NCOR2: variants seen among roughly 807,000 people sequenced by gnomAD.
NCOR2 encodes nuclear receptor corepressor 2, also known as CTG repeat protein 26.
A neutral mutation model predicts 262.9 loss-of-function variants in NCOR2; 81 were observed. That is an observed-to-expected ratio of 0.31 (90% CI 0.26 to 0.37). The LOEUF (loss-of-function observed/expected upper bound fraction) is 0.37. Ranked by LOEUF, NCOR2 falls within the 10% of genes least tolerant of loss-of-function variation. The pLI, the probability that NCOR2 is intolerant of heterozygous loss-of-function variation, is 1.00. For missense variants in NCOR2, 3,385 were observed against 3,621.4 expected (o/e 0.93, Z 1.68); for synonymous variants, 1,659 against 1,559.3 (o/e 1.06, Z -1.51).
intron 1 of NCOR2, among the ~76,000 whole-genome samples, chr12:124,560,194 C>T (rs1163535652): frequency 6.6e-6 from 1 of 152,178 alleles, no homozygotes; most frequent in Non-Finnish European, 1.5e-5. Flanking sequence ...TATTAGGGAT[C>T]GGCAAATATC....
intron 6 of NCOR2, among the ~76,000 whole-genome samples, chr12:124,455,714 C>T (rs1163943786): frequency 1.3e-5 from 2 of 152,256 alleles, no homozygotes; most frequent in Non-Finnish European, 1.5e-5. Flanking sequence ...ACAGGCAGCA[C>T]TGCCTTTAAC....
intron 1 of NCOR2, among the ~76,000 whole-genome samples, chr12:124,545,178 G>A (rs940576468): frequency 2.3e-4 from 35 of 152,166 alleles, no homozygotes; most frequent in African/African-American, 7.5e-4. Flanking sequence ...CCAGCACCTC[G>A]AACACCCAGA....
intron 1 of NCOR2, among the ~76,000 whole-genome samples, chr12:124,494,665 T>C (rs1283792646): frequency 6.6e-6 from 1 of 152,064 alleles, no homozygotes; most frequent in South Asian, 2.1e-4. Context: ...GCAACCTGTG[T>C]GGGGCCTCCT....
exon 20 of NCOR2, chr12:124,372,120 G>C (rs1223060453): frequency 6.2e-7 from 1 of 1,601,662 alleles, no homozygotes; most frequent in Non-Finnish European, 8.5e-7. Flanking sequence ...TGGCTGTGGT[G>C]GCCCTGCCGC....
chr12:124,466,007 C>T lies in NCOR2; in HGVS notation c.705+166G>A, dbSNP rs567293441. Among the ~76,000 whole-genome samples the T allele has an allele frequency of 1.4e-4, 21 of 152,336 alleles. 1 individual carries two copies. The highest frequency in any genetic ancestry group is 1.2e-3 in the Admixed American group (19 of 15,308). The stretch of plus-strand genomic sequence containing the variant: ...AGGCCACACCAGGATGGCTTTCCAC[C>T]GGTCACCTTCCCCCACCCACTCATA... On this transcript the variant is annotated intron_variant, in intron 5 of 46. Coordinates refer to ENST00000405201, the Ensembl canonical transcript of NCOR2.
chr12:124,439,356 G>GAC (rs1485203234), intron 7 of NCOR2, among the ~76,000 whole-genome samples: 1 of 136,442 alleles, frequency 7.3e-6, no homozygotes, highest in African/African-American at 2.8e-5. Context: ...GAGAGAGGGA[G>GAC]ACAGAGACCC....
chr12:124,495,839 G>A (rs370068924), upstream of NCOR2, among the ~76,000 whole-genome samples: 30 of 152,320 alleles, frequency 2.0e-4, 1 homozygote, highest in South Asian at 2.7e-3. The surrounding 1 kb of genome is among the most constrained non-coding windows in gnomAD (Gnocchi z 4.4). Context: ...GGCGGGCCAC[G>A]GGCCACAGGC....
intron 13 of NCOR2, among the ~76,000 whole-genome samples, chr12:124,403,059 C>G (rs1410423204): frequency 1.3e-5 from 2 of 152,150 alleles, no homozygotes; most frequent in African/African-American, 2.4e-5. Flanking sequence ...TGGTGAGCCT[C>G]GGCAGGGGTG....
chr12:124,421,265 T>C (rs1290672982), intron 12 of NCOR2, among the ~76,000 whole-genome samples: 1 of 152,228 alleles, frequency 6.6e-6, no homozygotes, highest in Non-Finnish European at 1.5e-5. Context: ...AGCCTTGTCC[T>C]GGGCTGCCTC....
chr12:124,326,421 C>T, intron 45 of NCOR2, 51 bp from the exon 48 acceptor site: 1 of 1,434,306 alleles, frequency 7.0e-7, no homozygotes, highest in Non-Finnish European at 9.1e-7. Context: ...GAAGACAGCA[C>T]CGACGCTACG....
intron 1 of NCOR2, among the ~76,000 whole-genome samples, chr12:124,545,819 G>A (rs2051526976): frequency 6.6e-6 from 1 of 152,152 alleles, no homozygotes; most frequent in African/African-American, 2.4e-5. Flanking sequence ...GGGACGAGTG[G>A]CGTGGAACAG....
At chr12:124,327,952 A>G (rs1256429200) in intron 44 of NCOR2, among the ~76,000 whole-genome samples, 1 of 151,432 alleles carries the variant, frequency 6.6e-6, no homozygotes, top group Non-Finnish European at 1.5e-5. Flanking sequence ...TCTCATTCCT[A>G]TTCTGTCCTC....
intron 1 of NCOR2, among the ~76,000 whole-genome samples, chr12:124,550,222 T>A (rs1195556135): frequency 6.6e-6 from 1 of 152,086 alleles, no homozygotes; most frequent in Admixed American, 6.5e-5. Flanking sequence ...ACCAAATGCA[T>A]GAGAGTGTCA....
At chr12:124,556,506 C>T (rs1447334486) in intron 1 of NCOR2, 1 of 152,262 alleles carries the variant, frequency 6.6e-6, no homozygotes, top group East Asian at 1.9e-4. Flanking sequence ...CATCATCTAT[C>T]AGAAGGTGGC....
In NCOR2 at chr12:124,438,133, G is replaced by A. The variant is rs1267768836; in HGVS notation, c.816-137C>T. On this transcript the variant is annotated intron_variant, in intron 7 of 46. Coordinates refer to ENST00000405201, the Ensembl canonical transcript of NCOR2. ...CAGGGAGATGAGACCCACCCGTGCT[G>A]TATCCCCAGAGAGACCTGTGAGCTG... The A allele has an allele frequency of 1.8e-5, 14 of 764,082 alleles. No individual in the cohort carries two copies. In the East Asian group the frequency reaches 2.2e-4, roughly 12 times the overall value. 47.3% of individuals were successfully genotyped at this position (764,082 alleles called of 1,614,324 possible).
At chr12:124,430,382 C>T (rs2043845804) in intron 9 of NCOR2, among the ~76,000 whole-genome samples, 1 of 152,188 alleles carries the variant, frequency 6.6e-6, no homozygotes, top group South Asian at 2.1e-4. Context: ...GGCAGGTGCA[C>T]GCTATGGCAC....
At chr12:124,435,958 C>G (rs1309078744) in intron 8 of NCOR2, among the ~76,000 whole-genome samples, 1 of 152,228 alleles carries the variant, frequency 6.6e-6, no homozygotes, top group African/African-American at 2.4e-5. Flanking sequence ...ACTAAATGCC[C>G]TAATGTATGG....
rs1451142338 is a variant in NCOR2 at position 124,356,794 on chromosome 12, A to G, written c.3101-12T>C. ...CTCGGCTGCGAAGGCTGGGAAGAAC[A>G]CAGGCTTCTCTGCTGAGGGCAGGAG... On this transcript the variant is annotated splice_polypyrimidine_tract_variant and intron_variant, in intron 22 of 46. Coordinates refer to ENST00000405201, the Ensembl canonical transcript of NCOR2. The G allele has an allele frequency of 6.8e-7, 1 of 1,463,368 alleles. No individual in the cohort carries two copies. The highest frequency in any genetic ancestry group is 9.0e-7 in the Non-Finnish European group (1 of 1,116,216). The allele number at this position is 1,463,368 out of a possible 1,614,324, so 90.6% of individuals were successfully genotyped here. A position where few individuals can be genotyped will look rare whatever the true frequency, so the allele number is the denominator to read the frequency against.
chr12:124,473,204 T>C, intron 3 of NCOR2, 73 bp from the exon 6 acceptor site: 1 of 1,541,312 alleles, frequency 6.5e-7, no homozygotes, highest in Middle Eastern at 2.2e-4. Flanking sequence ...CTGTGATGGT[T>C]AATACTGTCA....
Sources: allele counts gnomAD v4.1 joint callset (sites outside exome capture counted in the v4.1 genomes callset), GRCh38; gene constraint gnomAD v4.1.1; non-coding constraint Gnocchi (gnomAD v3.1); transcripts MANE v1.5; gene names NCBI Gene and HGNC (gene_info 2026-07-23, HGNC 2026-07-21).